Variants in SMG1 observed in about 807,000 individuals in gnomAD.
SMG1 encodes the protein serine/threonine-protein kinase SMG1.
A neutral mutation model predicts 419.9 loss-of-function variants in SMG1; 22 were observed. That is an observed-to-expected ratio of 0.05 (90% confidence interval 0.04 to 0.07). The LOEUF (loss-of-function observed/expected upper bound fraction) is 0.07, where lower values mean the gene tolerates loss of function less well. SMG1 is among the 10% of genes least tolerant of loss of function. The pLI is 1.00. For synonymous variants in SMG1, 1,538 were observed against 1,553.5 expected, an observed-to-expected ratio of 0.99 and a Z score of 0.23; for missense variants, 3,185 against 4,342.0, an observed-to-expected ratio of 0.73 and a Z score of 7.49.
chr16:18,866,323 C>T, intron 23 of SMG1: 1 of 427,514 alleles, frequency 2.3e-6, no homozygotes, highest in Non-Finnish European at 4.3e-6. Flanking sequence ...TAATTTGTAT[C>T]AGACTCTGAG....
At chr16:18,904,721 C>T (rs980171788) in intron 1 of SMG1, among the ~76,000 whole-genome samples, 8 of 147,084 alleles carry the variant, frequency 5.4e-5, no homozygotes, top group Admixed American at 6.8e-5. Context: ...TGGATCATGA[C>T]GTCAGGAGTT....
chr16:18,828,361 T>G (rs1182683057), intron 54 of SMG1, among the ~76,000 whole-genome samples, 193 bp from the exon 55 acceptor site: 1 of 152,204 alleles, frequency 6.6e-6, no homozygotes, highest in Non-Finnish European at 1.5e-5. Flanking sequence ...CTTCTTGAGG[T>G]AGAACATGGC....
At chr16:18,900,234 G>C (rs1596626983) in intron 1 of SMG1, 6 of 426,466 alleles carry the variant, frequency 1.4e-5, no homozygotes, top group Admixed American at 7.9e-5. Flanking sequence ...GGCTTAATGT[G>C]GCAACCAAAA....
At chr16:18,835,345 A>T (rs764672518) in intron 48 of SMG1, among the ~76,000 whole-genome samples, 181 bp from the exon 49 acceptor site, 1 of 152,236 alleles carries the variant, frequency 6.6e-6, no homozygotes, top group Non-Finnish European at 1.5e-5. Flanking sequence ...ACTGTGACAG[A>T]ATCAACATTT....
chr16:18,918,536 C>T (rs928995036), intron 1 of SMG1, among the ~76,000 whole-genome samples: 2 of 152,130 alleles, frequency 1.3e-5, no homozygotes, highest in African/African-American at 2.4e-5. Context: ...AGCTTTCCCT[C>T]CTCTGACCCT....
intron 1 of SMG1, 50 bp downstream of exon 1, chr16:18,925,900 C>T (rs2038382480): frequency 7.0e-7 from 1 of 1,430,506 alleles, no homozygotes; most frequent in South Asian, 1.3e-5. Context: ...CTCGGCCCGC[C>T]CGAGGCGGAG....
chr16:18,834,063 A>T, intron 50 of SMG1, 141 bp downstream of exon 50: 1 of 662,348 alleles, frequency 1.5e-6, no homozygotes, highest in Non-Finnish European at 2.6e-6. Context: ...ATAGCTATAA[A>T]TCTCACAATT....
At chr16:18,814,889 T>C (rs555695036) in intron 60 of SMG1, among the ~76,000 whole-genome samples, 43 of 151,568 alleles carry the variant, frequency 2.8e-4, no homozygotes, top group African/African-American at 1.0e-3. Context: ...TTTTTTTTTT[T>C]TTTTTTTTAA....
chr16:18,849,296 C>T lies in SMG1; in HGVS notation c.5544G>A (p.Val1848=). The T allele has an allele frequency of 6.2e-7, 1 of 1,613,750 alleles. No individual in the cohort carries two copies. The highest frequency in any genetic ancestry group is 2.2e-5 in the East Asian group (1 of 44,860). ...RQSICNLLCR[V]AQDSPHLILY... Reference sequence around the variant, plus strand: ...ATATGAGATGTGGGGAATCTTGAGCCACACGGCAGAGAAGGTTACAAATAC... The same window carrying T: ...ATATGAGATGTGGGGAATCTTGAGCTACACGGCAGAGAAGGTTACAAATAC... Residue 1848 remains valine (V), a synonymous_variant, in exon 36 of 63, where the codon GTG becomes GTA. Coordinates refer to ENST00000446231, the MANE Select transcript of SMG1 (RefSeq NM_015092.5).
rs781346535 is a variant in SMG1, at chr16:18,852,299, A to G, written c.4913+19T>C. ...ATCTATTTATGCAATGCATAAATAA[A>G]CTACACATTTAAACATACCTGGCAT... is the stretch of plus-strand genomic sequence containing the variant. On this transcript the variant is annotated intron_variant, in intron 32 of 62. Coordinates refer to ENST00000446231, the MANE Select transcript of SMG1 (RefSeq NM_015092.5). 3.1e-5 allele frequency: 49 copies of G among 1,605,592 alleles called. No homozygotes were observed. The highest frequency in any genetic ancestry group is 3.7e-5 in the Non-Finnish European group (43 of 1,176,344).
At chr16:18,854,204 AG>A (rs772306951) in intron 30 of SMG1, among the ~76,000 whole-genome samples, 6 of 145,564 alleles carry the variant, frequency 4.1e-5, no homozygotes, top group Non-Finnish European at 5.9e-5. Context: ...CTCCTGCCTC[AG>A]CCCCTCAAGC....
chr16:18,865,109 A>T (rs2035429731), intron 23 of SMG1, among the ~76,000 whole-genome samples: 1 of 152,180 alleles, frequency 6.6e-6, no homozygotes, highest in African/African-American at 2.4e-5. Context: ...ACAAATTATA[A>T]ATCAAGAAAT....
At chr16:18,814,877 CTT>C (rs10582593) in intron 60 of SMG1, among the ~76,000 whole-genome samples, 1,857 of 123,936 alleles carry the variant, frequency 0.015, 48 homozygotes, top group African/African-American at 0.048. Context: ...CTCGCCCGGC[CTT>C]TTTTTTTTTT....
intron 1 of SMG1, chr16:18,925,101 G>C (rs1453992619): frequency 6.6e-6 from 1 of 152,196 alleles, no homozygotes. Flanking sequence ...TTTATTAAGA[G>C]AGATTAGAAT....
intron 52 of SMG1, 51 bp from the exon 53 acceptor site, chr16:18,830,166 G>A: frequency 1.9e-6 from 3 of 1,608,128 alleles, no homozygotes; most frequent in African/African-American, 1.3e-5. Flanking sequence ...TGACACAACT[G>A]AACAACTACT....
intron 1 of SMG1, among the ~76,000 whole-genome samples, chr16:18,917,150 T>C (rs6497297): frequency 6.7e-6 from 1 of 150,240 alleles, no homozygotes; most frequent in Non-Finnish European, 1.5e-5. Flanking sequence ...TTAATTAATT[T>C]ATTTATTTAT....
At chr16:18,812,198 C>G in intron 60 of SMG1, 71 bp from the exon 61 acceptor site, 2 of 1,466,254 alleles carry the variant, frequency 1.4e-6, no homozygotes, top group Non-Finnish European at 1.9e-6. Flanking sequence ...GGAGCAAGCA[C>G]GGGATAGGTG....
Position 18,859,210 on chromosome 16 carries a change from T to C in SMG1, c.3954-29A>G, listed in dbSNP as rs1189024420. 5.9e-6 allele frequency: 9 copies of C among 1,512,874 alleles called. No homozygotes were observed. The East Asian group carries it at 1.5e-4, about 25-fold the overall frequency. The allele number at this position is 1,512,874 out of a possible 1,614,324, so 93.7% of individuals were successfully genotyped here. ...AAACAAAATATTTACTGCCAATTAA[T>C]AAAAATTACAATTCATAACCACTCA... On this transcript the variant is annotated intron_variant, in intron 27 of 62. Transcript: ENST00000446231.
intron 13 of SMG1, chr16:18,875,706 A>T (rs1045913687): frequency 8.2e-5 from 16 of 196,070 alleles, no homozygotes; most frequent in Non-Finnish European, 1.2e-4. Context: ...AGAGACAGCC[A>T]AAATATAAGA....
Sources: allele counts gnomAD v4.1 joint callset (sites outside exome capture counted in the v4.1 genomes callset), GRCh38; gene constraint gnomAD v4.1.1; transcripts MANE v1.5; gene names NCBI Gene and HGNC (gene_info 2026-07-23, HGNC 2026-07-21).